GABRA4: variants seen among roughly 807,000 people sequenced by gnomAD.
The protein encoded by GABRA4 is gamma-aminobutyric acid type A receptor subunit alpha4.
Under a neutral mutation model 49.7 loss-of-function variants are expected in GABRA4, and 12 were observed. The ratio of observed to expected loss-of-function variants is 0.24; its 90% CI spans 0.15 to 0.39. GABRA4 has a LOEUF of 0.39. Among genes scored for constraint, GABRA4 ranks in the 10% least tolerant of loss-of-function variants. The probability of loss-of-function intolerance (pLI) is 1.00; values close to 1 mark genes in which losing one functional copy is unlikely to be tolerated. For missense variants in GABRA4, 506 were observed against 686.0 expected (o/e 0.74, Z 2.93); for synonymous variants, 288 against 240.2 (o/e 1.20, Z -1.84).
chr4:46,976,658 T>A (rs1723148485), intron 5 of GABRA4, among the ~76,000 whole-genome samples: 1 of 151,642 alleles, frequency 6.6e-6, no homozygotes, highest in African/African-American at 2.4e-5. Context: ...CAATAGAATA[T>A]CTATATATCT....
At chr4:46,968,713 G>C (rs537792262) in intron 7 of GABRA4, among the ~76,000 whole-genome samples, 23 of 151,568 alleles carry the variant, frequency 1.5e-4, no homozygotes, top group African/African-American at 5.6e-4. Flanking sequence ...AAAATATCTT[G>C]TTTGGATAGG....
intron 5 of GABRA4, among the ~76,000 whole-genome samples, chr4:46,974,893 G>A (rs1723085809): frequency 6.6e-6 from 1 of 151,898 alleles, no homozygotes; most frequent in African/African-American, 2.4e-5. Context: ...CTGCCTCTGG[G>A]CAATATCCAC....
At chr4:46,990,083 C>T (rs943091857) in intron 2 of GABRA4, among the ~76,000 whole-genome samples, 1 of 152,210 alleles carries the variant, frequency 6.6e-6, no homozygotes, top group African/African-American at 2.4e-5. Flanking sequence ...AAAAGTGAAT[C>T]ACATTTACCA....
intron 6 of GABRA4, among the ~76,000 whole-genome samples, chr4:46,971,621 A>C (rs1172171408): frequency 6.6e-6 from 1 of 151,470 alleles, no homozygotes; most frequent in Non-Finnish European, 1.5e-5. Context: ...AGAAATGCAC[A>C]CAGTTACACA....
chr4:46,977,720 G>T, intron 3 of GABRA4, 90 bp from the exon 4 acceptor site: 1 of 857,778 alleles, frequency 1.2e-6, no homozygotes, highest in Non-Finnish European at 1.8e-6. Context: ...CTTCCTTCAT[G>T]CTCATAAAAA....
At chr4:46,986,735 C>G (rs1341985150) in intron 2 of GABRA4, among the ~76,000 whole-genome samples, 1 of 152,078 alleles carries the variant, frequency 6.6e-6, no homozygotes, top group African/African-American at 2.4e-5. Context: ...GGTACCATAC[C>G]TGCATACAAA....
At position 46,924,760 on chromosome 4, in the gene GABRA4, T is replaced by G. The variant is rs1512139; in HGVS notation, c.*3465A>C. The G allele has an allele frequency of 0.51, 77,838 of 151,860 alleles. 20,157 individuals are homozygous for G. The highest frequency in any genetic ancestry group is 0.66 in the East Asian group (3,404 of 5,142). 9.4% of individuals were successfully genotyped at this position (151,860 alleles called of 1,614,324 possible). On this transcript the variant is annotated 3_prime_UTR_variant, in exon 9 of 9. Coordinates refer to ENST00000264318, the MANE Select transcript of GABRA4 (RefSeq NM_000809.4). The stretch of plus-strand genomic sequence containing the variant: ...TTGTCCATAAACACTTATTTGTGGT[T>G]CAAAGTATTCAGTGTTTTTCTTACA...
intron 8 of GABRA4, among the ~76,000 whole-genome samples, chr4:46,938,286 CTT>C (rs1277649110): frequency 6.6e-6 from 1 of 152,046 alleles, no homozygotes; most frequent in Non-Finnish European, 1.5e-5. Context: ...TTAATATAGA[CTT>C]GATATGAGTT....
At chr4:46,992,470 G>T (rs1330668974) in intron 2 of GABRA4, among the ~76,000 whole-genome samples, 1 of 152,168 alleles carries the variant, frequency 6.6e-6, no homozygotes, top group African/African-American at 2.4e-5. Context: ...AATGCAACCT[G>T]CTCTGAGCGA....
rs1193912527 is a variant in GABRA4, at chr4:46,962,368, T to C, written c.1134+2602A>G. On this transcript the variant is annotated intron_variant, in intron 8 of 8. Transcript: ENST00000264318. ...TAATCCTATTTACAATAGCCACATA[T>C]AAAATTAAATACCTAGGAATTAACT... Among the ~76,000 whole-genome samples the C allele has an allele frequency of 2.0e-5, 3 of 151,812 alleles. 1 individual carries two copies. The highest frequency in any genetic ancestry group is 2.4e-5 in the African/African-American group (1 of 41,382).
chr4:46,993,525 G>T lies in GABRA4; in HGVS notation c.-101C>A. 8.1e-7 allele frequency: 1 copy of T among 1,237,774 alleles called. No individual in the cohort carries two copies. Among genetic ancestry groups the T allele is most frequent in the South Asian group, 1.3e-5 (1 of 78,380 alleles). 76.7% of individuals were successfully genotyped at this position (1,237,774 alleles called of 1,614,324 possible). On this transcript the variant is annotated 5_prime_UTR_variant, in exon 1 of 9. Coordinates refer to ENST00000264318, the MANE Select transcript of GABRA4 (RefSeq NM_000809.4). ...GGGCAGAGAGGCTCCCGCGGCGTGCGCACACTCGCGCTCACACTCGCCCGC... is the reference window on the plus strand; with the variant it reads ...GGGCAGAGAGGCTCCCGCGGCGTGCTCACACTCGCGCTCACACTCGCCCGC...
At chr4:46,946,334 A>G (rs1477118715) in intron 8 of GABRA4, among the ~76,000 whole-genome samples, 1 of 152,124 alleles carries the variant, frequency 6.6e-6, no homozygotes, top group Non-Finnish European at 1.5e-5. Context: ...TGAACTATCA[A>G]ATGAAATTAT....
intron 2 of GABRA4, among the ~76,000 whole-genome samples, chr4:46,983,552 T>C (rs1723429981): frequency 6.6e-6 from 1 of 152,118 alleles, no homozygotes; most frequent in South Asian, 2.1e-4. Context: ...AAACTAAAAA[T>C]ATTCCCCATT....
chr4:46,978,687 CAAAAAAAAAAAAAAAAA>C (rs71193889), intron 3 of GABRA4, among the ~76,000 whole-genome samples: 1 of 21,648 alleles, frequency 4.6e-5, no homozygotes, highest in Admixed American at 6.8e-4. Context: ...AACTTCATCT[CAAAAAAAAAAAAAAAAA>C]AAAAAAAAAG....
chr4:46,978,371 T>C (rs1723219509), intron 3 of GABRA4, among the ~76,000 whole-genome samples: 1 of 151,908 alleles, frequency 6.6e-6, no homozygotes, highest in Admixed American at 6.6e-5. Context: ...TCACCTCTAA[T>C]TTTCTCCTCC....
chr4:46,962,322 T>A (rs951291515), intron 8 of GABRA4, among the ~76,000 whole-genome samples: 2 of 151,534 alleles, frequency 1.3e-5, no homozygotes, highest in African/African-American at 4.8e-5. Flanking sequence ...TAGTTAACAA[T>A]CTGAAAAAGG....
rs559631322 is a variant in GABRA4 at position 46,933,578 on chromosome 4, C to T, written c.1135-4823G>A. Reference sequence around the variant, plus strand: ...TTGCAGTTATGTCTCAAGTTTTACTCTGTTAAAAGTAGTCATTTTCCATGA... The same window carrying T: ...TTGCAGTTATGTCTCAAGTTTTACTTTGTTAAAAGTAGTCATTTTCCATGA... On this transcript the variant is annotated intron_variant, in intron 8 of 8. Coordinates refer to ENST00000264318, the MANE Select transcript of GABRA4 (RefSeq NM_000809.4). 3.3e-5 allele frequency among the ~76,000 whole-genome samples: 5 copies of T among 152,240 alleles called. No individual in the cohort carries two copies. In the South Asian group the frequency reaches 1.0e-3, roughly 32 times the overall value.
chr4:46,929,185 C>A (rs918012918), intron 8 of GABRA4, among the ~76,000 whole-genome samples: 2 of 151,794 alleles, frequency 1.3e-5, no homozygotes, highest in African/African-American at 4.8e-5. Context: ...ACAGGGAGAA[C>A]TATACCTAGT....
intron 2 of GABRA4, among the ~76,000 whole-genome samples, chr4:46,983,990 A>G (rs1050484225): frequency 6.6e-6 from 1 of 152,114 alleles, no homozygotes; most frequent in Non-Finnish European, 1.5e-5. Flanking sequence ...CATCTAATTA[A>G]TGAGTCTAAC....
Sources: gnomAD v4.1 joint callset for allele counts (sites outside exome capture counted in the v4.1 genomes callset) on GRCh38, gnomAD v4.1.1 for gene constraint, MANE v1.5 for transcripts, NCBI Gene and HGNC (gene_info 2026-07-23, HGNC 2026-07-21) for gene names.